SGCZ: variants seen among roughly 807,000 people sequenced by gnomAD.
The protein encoded by SGCZ is sarcoglycan zeta.
In SGCZ, 40 loss-of-function variants were observed where a neutral mutation model predicts 41.3. The ratio of observed to expected loss-of-function variants is 0.97; its 90% confidence interval spans 0.75 to 1.26. The LOEUF (loss-of-function observed/expected upper bound fraction) is 1.26. Ranked by LOEUF, SGCZ falls within the 50% of genes most tolerant of loss-of-function variation. The probability of loss-of-function intolerance (pLI) is 0.00; values close to 1 mark genes in which losing one functional copy is unlikely to be tolerated. For missense variants in SGCZ, 552 were observed against 369.8 expected, an observed-to-expected ratio of 1.49 and a Z score of -4.04; for synonymous variants, 206 against 137.5, an observed-to-expected ratio of 1.50 and a Z score of -3.49.
chr8:14,342,753 C>G (rs1161956479), intron 2 of SGCZ, among the ~76,000 whole-genome samples: 2 of 152,186 alleles, frequency 1.3e-5, no homozygotes, highest in Admixed American at 1.3e-4. Context: ...AAGAAAAACC[C>G]ATTTTCTGGG....
intron 2 of SGCZ, among the ~76,000 whole-genome samples, chr8:14,540,765 C>A (rs1257314134): frequency 6.6e-6 from 1 of 151,656 alleles, no homozygotes; most frequent in Admixed American, 6.6e-5. Context: ...ATTATATTAT[C>A]TCATGGAAAG....
intron 2 of SGCZ, among the ~76,000 whole-genome samples, chr8:14,441,942 G>A (rs1351122578): frequency 1.3e-5 from 2 of 152,102 alleles, no homozygotes; most frequent in Admixed American, 6.6e-5. Context: ...CTTTTCTGAC[G>A]TATCTAAATT....
intron 1 of SGCZ, among the ~76,000 whole-genome samples, chr8:14,744,794 G>A (rs771055315): frequency 2.0e-5 from 3 of 152,160 alleles, no homozygotes; most frequent in Non-Finnish European, 2.9e-5. Context: ...ATTCCACATG[G>A]CAATTATGTA....
intron 1 of SGCZ, among the ~76,000 whole-genome samples, chr8:14,558,461 G>A (rs1415572259): frequency 6.6e-6 from 1 of 151,946 alleles, no homozygotes; most frequent in Non-Finnish European, 1.5e-5. Flanking sequence ...TATAATCTTA[G>A]CTACTTGGGA....
chr8:14,666,069 C>T (rs1181176618), intron 1 of SGCZ, among the ~76,000 whole-genome samples: 3 of 152,284 alleles, frequency 2.0e-5, no homozygotes, highest in East Asian at 3.9e-4. Context: ...ACTGAGCAAA[C>T]ATTTGCCCTT....
chr8:14,308,408 TC>T, intron 3 of SGCZ, among the ~76,000 whole-genome samples: 1 of 152,072 alleles, frequency 6.6e-6, no homozygotes, highest in East Asian at 1.9e-4. Context: ...GAGTGGATAT[TC>T]TTTTGATTAG....
chr8:14,393,654 T>C (rs911891804), intron 2 of SGCZ, among the ~76,000 whole-genome samples: 4 of 144,706 alleles, frequency 2.8e-5, no homozygotes, highest in African/African-American at 9.7e-5. Context: ...CTGTTTCTCT[T>C]TCTCCTCTCT....
chr8:15,022,762 A>G (rs1335610971), intron 1 of SGCZ, among the ~76,000 whole-genome samples: 2 of 152,220 alleles, frequency 1.3e-5, no homozygotes, highest in Non-Finnish European at 2.9e-5. Flanking sequence ...TAACTTTCAT[A>G]TTCAATGTAG....
intron 1 of SGCZ, among the ~76,000 whole-genome samples, chr8:15,236,733 T>G: frequency 6.6e-6 from 1 of 152,170 alleles, no homozygotes; most frequent in African/African-American, 2.4e-5. Flanking sequence ...GAGGGGCGCG[T>G]TGTCACCCCG....
intron 4 of SGCZ, among the ~76,000 whole-genome samples, chr8:14,223,354 T>C (rs1390816542): frequency 6.6e-6 from 1 of 152,194 alleles, no homozygotes; most frequent in East Asian, 1.9e-4. Context: ...TTGAATTGCT[T>C]TACATTTGTA....
At chr8:14,500,211 A>G (rs542925419) in intron 2 of SGCZ, among the ~76,000 whole-genome samples, 2 of 152,082 alleles carry the variant, frequency 1.3e-5, no homozygotes, top group Non-Finnish European at 2.9e-5. Context: ...ATATATTTTG[A>G]CTTTTGGTGG....
At chr8:14,505,070 G>C (rs761971716) in intron 2 of SGCZ, among the ~76,000 whole-genome samples, 1 of 151,998 alleles carries the variant, frequency 6.6e-6, no homozygotes, top group South Asian at 2.1e-4. Flanking sequence ...AATGGCTTGA[G>C]CTCATGGGTT....
At chr8:14,384,605 G>A (rs11780485) in intron 2 of SGCZ, among the ~76,000 whole-genome samples, 4,378 of 152,164 alleles carry the variant, frequency 0.029, 92 homozygotes, top group Middle Eastern at 0.078. Flanking sequence ...TGTTGCCCAG[G>A]CTGGAGTGCA....
intron 3 of SGCZ, among the ~76,000 whole-genome samples, chr8:14,319,282 G>C (rs555285244): frequency 1.3e-3 from 199 of 152,034 alleles, no homozygotes; most frequent in Non-Finnish European, 2.2e-3. Flanking sequence ...AAAATACCAA[G>C]GTGCCCTTGG....
At chr8:14,886,035 A>ATATACATAT (rs1804792942) in intron 1 of SGCZ, among the ~76,000 whole-genome samples, 1 of 114,774 alleles carries the variant, frequency 8.7e-6, no homozygotes, top group East Asian at 2.5e-4. Flanking sequence ...ATATATATAT[A>ATATACATAT]AAATTGTATA....
intron 2 of SGCZ, among the ~76,000 whole-genome samples, chr8:14,486,589 T>C (rs1032631897): frequency 6.6e-6 from 1 of 152,198 alleles, no homozygotes; most frequent in African/African-American, 2.4e-5. Flanking sequence ...TGCGCGCGCG[T>C]GCGCACGTGT....
intron 4 of SGCZ, among the ~76,000 whole-genome samples, chr8:14,208,600 T>C (rs1160491476): frequency 1.3e-5 from 2 of 152,200 alleles, no homozygotes; most frequent in Non-Finnish European, 2.9e-5. Context: ...TTAGCAATTA[T>C]AATAGAATCA....
chr8:14,093,531 T>C (rs1199758169), intron 7 of SGCZ, among the ~76,000 whole-genome samples: 1 of 152,102 alleles, frequency 6.6e-6, no homozygotes, highest in Non-Finnish European at 1.5e-5. Context: ...GGCCTCATAG[T>C]ATTTTTACTA....
At chr8:14,834,246 C>G (rs866797261) in intron 1 of SGCZ, among the ~76,000 whole-genome samples, 1 of 151,976 alleles carries the variant, frequency 6.6e-6, no homozygotes, top group African/African-American at 2.4e-5. Context: ...TGAATAGATT[C>G]TATGGATTTA....
Sources: gnomAD v4.1 joint callset for allele counts (sites outside exome capture counted in the v4.1 genomes callset) on GRCh38, gnomAD v4.1.1 for gene constraint, MANE v1.5 for transcripts, NCBI Gene and HGNC (gene_info 2026-07-23, HGNC 2026-07-21) for gene names.